MAST2: variants seen among roughly 807,000 people sequenced by gnomAD.
MAST2 encodes the protein microtubule associated serine/threonine kinase 2, also known as microtubule-associated serine/threonine-protein kinase 2.
MAST2 carries 70 observed loss-of-function variants against 147.4 expected under a neutral mutation model. The observed-to-expected ratio is 0.47, with a 90% CI of 0.39 to 0.58. The LOEUF (loss-of-function observed/expected upper bound fraction) is 0.58, where lower values mean the gene tolerates loss of function less well. MAST2 is among the 20% of genes least tolerant of loss of function. The probability of loss-of-function intolerance (pLI) is 0.00; values close to 1 mark genes in which losing one functional copy is unlikely to be tolerated. For missense variants in MAST2, 2,080 were observed against 2,302.3 expected (o/e 0.90, Z 1.98); for synonymous variants, 869 against 896.8 (o/e 0.97, Z 0.55).
chr1:45,993,937 A>G (rs1644947917), intron 5 of MAST2, among the ~76,000 whole-genome samples: 1 of 152,134 alleles, frequency 6.6e-6, no homozygotes, highest in Non-Finnish European at 1.5e-5. Context: ...TAGGTTTACA[A>G]TTTTATTGTG....
chr1:45,831,633 C>G (rs2147829480), intron 3 of MAST2, among the ~76,000 whole-genome samples: 2 of 152,030 alleles, frequency 1.3e-5, no homozygotes, highest in East Asian at 3.9e-4. Context: ...TTTGTTTTTT[C>G]TGTGTGTATA....
At chr1:45,866,770 C>G (rs1553216004) in intron 3 of MAST2, among the ~76,000 whole-genome samples, 1 of 150,588 alleles carries the variant, frequency 6.6e-6, no homozygotes, top group Non-Finnish European at 1.5e-5. Context: ...GAGATGGAGT[C>G]TCACTCTGTC....
In MAST2 at chr1:45,829,464, C is replaced by T. The variant is rs1570267859; in HGVS notation, c.351C>T (p.Ser117=). The change falls in exon 3 of 29, where the codon AGC becomes AGT. Residue 117 remains serine (S), a synonymous_variant. Transcript: ENST00000361297. ...GTAAGCAGCTGCTCCCTTTGTCCAG[C>T]AGTGTACATAGCAGTGTGGGACAGG... The part of the protein sequence containing the change: ...LSGKQLLPLS[S]SVHSSVGQVT... The T allele has an allele frequency of 6.2e-7, 1 of 1,613,952 alleles. No individual in the cohort carries two copies. Among genetic ancestry groups the T allele is most frequent in the African/African-American group, 1.3e-5 (1 of 75,044 alleles).
chr1:45,821,129 G>C (rs1026880840), intron 1 of MAST2, among the ~76,000 whole-genome samples: 3 of 151,710 alleles, frequency 2.0e-5, no homozygotes, highest in African/African-American at 7.3e-5. Context: ...CAAACTCCTG[G>C]GCTCAAGCAA....
intron 4 of MAST2, among the ~76,000 whole-genome samples, chr1:45,956,763 A>G (rs1025206377): frequency 1.3e-5 from 2 of 152,254 alleles, no homozygotes; most frequent in Non-Finnish European, 2.9e-5. Context: ...GGATACACCC[A>G]TCAGCCAGCT....
intron 18 of MAST2, 124 bp from the exon 19 acceptor site, chr1:46,029,342 G>C: frequency 1.4e-6 from 1 of 703,818 alleles, no homozygotes. Context: ...CCCAGGCAAG[G>C]CTTTCAGGGG....
chr1:45,866,909 C>G (rs1646176858), intron 3 of MAST2, among the ~76,000 whole-genome samples: 1 of 152,034 alleles, frequency 6.6e-6, no homozygotes, highest in African/African-American at 2.4e-5. Flanking sequence ...GCCACCACAC[C>G]TGGCTAATTT....
chr1:45,876,590 C>T (rs181222054), intron 3 of MAST2, among the ~76,000 whole-genome samples: 205 of 152,300 alleles, frequency 1.3e-3, no homozygotes, highest in Admixed American at 3.9e-3. Context: ...TGGGAGTACT[C>T]TTGCCTCAGC....
At chr1:45,917,651 G>A (rs897919043) in intron 4 of MAST2, 3 of 698,718 alleles carry the variant, frequency 4.3e-6, no homozygotes, top group African/African-American at 3.7e-5. Context: ...TTCTGTCACA[G>A]AGAAGAGTAA....
Position 46,029,920 on chromosome 1 carries a change from T to C in MAST2, c.2410T>C (p.Leu804=), listed in dbSNP as rs1272117582. The C allele has an allele frequency of 5.0e-6, 8 of 1,613,944 alleles. No homozygotes were observed. Among genetic ancestry groups the C allele is most frequent in the Non-Finnish European group, 6.8e-6 (8 of 1,179,966 alleles). Residue 804 remains leucine (L), a synonymous_variant, in exon 20 of 29, where the codon TTG becomes CTG. Transcript: ENST00000361297. ...LRQKAEFIPQ[L]ESEDDTSYFD... ...CCAGAAGGCTGAATTTATTCCTCAG[T>C]TGGAGTCAGAGGATGATACTAGCTA...
rs1557488362 is a variant in MAST2 at position 46,019,711 on chromosome 1, A to G, written c.1290+14A>G. 1 of 1,610,322 alleles carries G rather than the reference A, an allele frequency of 6.2e-7. No individual in the cohort carries two copies. The highest frequency in any genetic ancestry group is 8.5e-7 in the Non-Finnish European group (1 of 1,176,516). ...CTGGAATGCCTGGTGAGTGGACTCT[A>G]GGAAAGTCAGGTGGGCAGATTTAGA... On this transcript the variant is annotated intron_variant, in intron 11 of 28. Transcript: ENST00000361297.
chr1:45,928,646 A>G (rs1478290890), intron 4 of MAST2, among the ~76,000 whole-genome samples: 2 of 151,376 alleles, frequency 1.3e-5, no homozygotes, highest in Non-Finnish European at 2.9e-5. Flanking sequence ...CAGTGGCACA[A>G]TCACAGCTCA....
chr1:45,980,606 C>G (rs1247986565), intron 5 of MAST2, among the ~76,000 whole-genome samples: 1 of 152,156 alleles, frequency 6.6e-6, no homozygotes, highest in African/African-American at 2.4e-5. Context: ...ATGATCACGG[C>G]TCATTGCAGC....
intron 15 of MAST2, chr1:46,024,360 C>T: frequency 3.8e-6 from 1 of 260,212 alleles, no homozygotes; most frequent in South Asian, 5.1e-5. Flanking sequence ...CCATTAATTA[C>T]CCTGACTGGC....
chr1:45,881,691 T>A (rs187047430), intron 3 of MAST2, among the ~76,000 whole-genome samples: 11 of 152,262 alleles, frequency 7.2e-5, no homozygotes, highest in Admixed American at 3.3e-4. Context: ...ATTTCATTCC[T>A]TCTGTATGCT....
intron 4 of MAST2, among the ~76,000 whole-genome samples, chr1:45,918,992 G>A (rs1345130664): frequency 2.0e-5 from 3 of 152,138 alleles, no homozygotes; most frequent in African/African-American, 2.4e-5. Context: ...GCATGGTGGC[G>A]CGTACCTGTA....
Position 46,031,246 on chromosome 1 carries a change from A to T in MAST2, c.2948A>T (p.Lys983Met). 6.5e-7 allele frequency: 1 copy of T among 1,537,362 alleles called. No homozygotes were observed. The highest frequency in any genetic ancestry group is 8.8e-7 in the Non-Finnish European group (1 of 1,139,688). The change falls in exon 23 of 29, where the codon AAG becomes ATG. Residue 983 changes from lysine to methionine, a missense_variant. Lys to Met is a moderately conservative substitution (Grantham distance 95). Transcript: ENST00000361297. The surrounding 1 kb of genome is among the most constrained non-coding windows in gnomAD (Gnocchi z 4.1). ...VTEHSGEQRPKLDEEAVGRSS... is the reference protein window; with the variant it reads ...VTEHSGEQRPMLDEEAVGRSS... Reference sequence around the variant, plus strand: ...GAACACTCAGGGGAGCAGCGGCCAAAGCTGGATGAGGAAGCTGTTGGCCGG... The same window carrying T: ...GAACACTCAGGGGAGCAGCGGCCAATGCTGGATGAGGAAGCTGTTGGCCGG...
intron 4 of MAST2, among the ~76,000 whole-genome samples, chr1:45,912,897 G>A (rs955200342): frequency 6.6e-6 from 1 of 152,168 alleles, no homozygotes; most frequent in Non-Finnish European, 1.5e-5. Context: ...CTGTTTACAT[G>A]TATTAGTCCT....
chr1:45,876,633 A>G lies in MAST2; in HGVS notation c.469-5731A>G, dbSNP rs972418880. Among the ~76,000 whole-genome samples the G allele has an allele frequency of 3.3e-5, 5 of 152,214 alleles. No individual in the cohort carries two copies. The East Asian group carries it at 7.7e-4, about 23-fold the overall frequency. On this transcript the variant is annotated intron_variant, in intron 3 of 28. Transcript: ENST00000361297. ...CCTGATTGTGTAGCTTTTCTCCCCA[A>G]CTTGCTGTGAATATTCCCTGGGAAA...
Sources: gnomAD v4.1 joint callset for allele counts (sites outside exome capture counted in the v4.1 genomes callset) on GRCh38, gnomAD v4.1.1 for gene constraint, Gnocchi (gnomAD v3.1) non-coding constraint, MANE v1.5 for transcripts, NCBI Gene and HGNC (gene_info 2026-07-23, HGNC 2026-07-21) for gene names.